RBFOX1: variants seen among roughly 807,000 people sequenced by gnomAD.
RBFOX1 encodes the protein RNA binding fox-1 homolog 1.
RBFOX1 carries 8 observed loss-of-function variants against 57.7 expected under a neutral mutation model. The ratio of observed to expected loss-of-function variants is 0.14; its 90% CI spans 0.08 to 0.25. The LOEUF (loss-of-function observed/expected upper bound fraction) is 0.25, where lower values mean the gene tolerates loss of function less well. Among genes scored for constraint, RBFOX1 ranks in the 10% least tolerant of loss-of-function variants. The pLI, the probability that RBFOX1 is intolerant of heterozygous loss-of-function variation, is 1.00. For synonymous variants in RBFOX1, 326 were observed against 222.4 expected (o/e 1.47, Z -4.15); for missense variants, 611 against 548.5 (o/e 1.11, Z -1.14).
chr16:6,698,930 T>C (rs1338633204), intron 3 of RBFOX1, among the ~76,000 whole-genome samples: 2 of 152,182 alleles, frequency 1.3e-5, no homozygotes, highest in African/African-American at 4.8e-5. Flanking sequence ...ATTGAATGTG[T>C]CCATAGCGTA....
At chr16:7,609,977 C>G (rs990149215) in intron 10 of RBFOX1, among the ~76,000 whole-genome samples, 1 of 151,574 alleles carries the variant, frequency 6.6e-6, no homozygotes, top group Non-Finnish European at 1.5e-5. Flanking sequence ...GCCACCATGC[C>G]CGGCTAATTT....
At chr16:7,290,430 A>C (rs1011181096) in intron 4 of RBFOX1, among the ~76,000 whole-genome samples, 1 of 152,204 alleles carries the variant, frequency 6.6e-6, no homozygotes, top group African/African-American at 2.4e-5. Context: ...TTAATCTGGA[A>C]TGTAAGCTCC....
intron 4 of RBFOX1, among the ~76,000 whole-genome samples, chr16:7,287,866 C>T (rs1369004987): frequency 2.6e-5 from 4 of 152,138 alleles, no homozygotes; most frequent in Admixed American, 6.5e-5. Flanking sequence ...CCACCCATTT[C>T]GTGTGCATTT....
chr16:7,281,525 A>G (rs1417912567), intron 4 of RBFOX1, among the ~76,000 whole-genome samples: 1 of 152,084 alleles, frequency 6.6e-6, no homozygotes, highest in Non-Finnish European at 1.5e-5. Flanking sequence ...TACACACACA[A>G]AGAGACCATT....
At chr16:5,914,853 C>G (rs577618834) in intron 4 of RBFOX1, among the ~76,000 whole-genome samples, 2 of 152,146 alleles carry the variant, frequency 1.3e-5, no homozygotes, top group East Asian at 3.9e-4. Flanking sequence ...CGAGACTGTG[C>G]CACTGCACTC....
chr16:6,999,896 A>G (rs2092632887), intron 3 of RBFOX1, among the ~76,000 whole-genome samples: 1 of 151,840 alleles, frequency 6.6e-6, no homozygotes, highest in African/African-American at 2.4e-5. Context: ...ACATGGTGAA[A>G]CCCTGTCTTT....
chr16:6,821,837 G>A (rs999534345), intron 3 of RBFOX1, among the ~76,000 whole-genome samples: 1 of 152,136 alleles, frequency 6.6e-6, no homozygotes, highest in Non-Finnish European at 1.5e-5. Context: ...GAACATGAAG[G>A]TGCAGGCACT....
At chr16:5,626,658 G>C (rs1315852179) in intron 3 of RBFOX1, among the ~76,000 whole-genome samples, 1 of 152,070 alleles carries the variant, frequency 6.6e-6, no homozygotes, top group Non-Finnish European at 1.5e-5. Context: ...GTTGACACGA[G>C]CTCCGATATT....
chr16:5,888,018 A>C (rs145052514), intron 4 of RBFOX1, among the ~76,000 whole-genome samples: 1 of 152,192 alleles, frequency 6.6e-6, no homozygotes, highest in East Asian at 1.9e-4. Flanking sequence ...CTGTCTTCCT[A>C]TAAGACTGCA....
intron 3 of RBFOX1, among the ~76,000 whole-genome samples, chr16:6,926,969 C>G (rs55693519): frequency 0.33 from 49,531 of 151,956 alleles, 8,545 homozygotes; most frequent in African/African-American, 0.43. Context: ...TTACTCAGGC[C>G]TCTGCCAGCT....
At chr16:7,069,221 T>C (rs993267031) in intron 4 of RBFOX1, among the ~76,000 whole-genome samples, 6 of 152,222 alleles carry the variant, frequency 3.9e-5, no homozygotes, top group African/African-American at 1.4e-4. Context: ...AGTTCCAGGA[T>C]ACATGTGCAG....
intron 3 of RBFOX1, among the ~76,000 whole-genome samples, chr16:6,672,375 AAGAGAG>A (rs749022718): frequency 6.6e-6 from 1 of 151,064 alleles, no homozygotes; most frequent in Non-Finnish European, 1.5e-5. Context: ...AAGAGGGAGA[AAGAGAG>A]AGAGAAGGAG....
intron 4 of RBFOX1, among the ~76,000 whole-genome samples, chr16:7,133,574 A>C (rs2071098780): frequency 1.3e-5 from 2 of 152,212 alleles, no homozygotes. Context: ...TTAAAGCTGA[A>C]AGATACACAC....
intron 13 of RBFOX1, among the ~76,000 whole-genome samples, chr16:7,668,562 G>T (rs1344344557): frequency 6.6e-6 from 1 of 152,162 alleles, no homozygotes; most frequent in African/African-American, 2.4e-5. Context: ...TGCAGGCACA[G>T]TGTGGTTGGC....
intron 4 of RBFOX1, among the ~76,000 whole-genome samples, chr16:5,885,397 A>G (rs757201339): frequency 2.0e-5 from 3 of 152,128 alleles, no homozygotes; most frequent in Non-Finnish European, 4.4e-5. Flanking sequence ...GAGGCCCCCA[A>G]AGGAAGCTGC....
Position 6,090,579 on chromosome 16 carries a change from A to C in RBFOX1, c.-127+70587A>C, listed in dbSNP as rs377748451. 2.2e-4 allele frequency among the ~76,000 whole-genome samples: 34 copies of C among 152,332 alleles called. No individual in the cohort carries two copies. The South Asian group carries it at 2.7e-3, about 12-fold the overall frequency. ...GCAGTGGGAAAAATCTAACATTCTG[A>C]TGACTTTGTAGATCAATGAGTTTTG... On this transcript the variant is annotated intron_variant, in intron 1 of 15. Transcript: ENST00000550418.
chr16:5,314,620 C>A (rs1270710433), intron 1 of RBFOX1, among the ~76,000 whole-genome samples: 1 of 152,158 alleles, frequency 6.6e-6, no homozygotes, highest in Non-Finnish European at 1.5e-5. Context: ...CCTTTCTCAG[C>A]CTCCCTAGTA....
At chr16:7,113,219 C>A (rs1018103005) in intron 4 of RBFOX1, among the ~76,000 whole-genome samples, 1 of 152,114 alleles carries the variant, frequency 6.6e-6, no homozygotes, top group South Asian at 2.1e-4. Flanking sequence ...CTGGAGTCTG[C>A]ATATTCTGTG....
chr16:6,853,064 C>T (rs1364072315), intron 3 of RBFOX1, among the ~76,000 whole-genome samples: 4 of 152,142 alleles, frequency 2.6e-5, no homozygotes, highest in Admixed American at 2.0e-4. Context: ...CAGAGACAGC[C>T]TCTGGTGTTA....
Sources: allele counts gnomAD v4.1 joint callset (sites outside exome capture counted in the v4.1 genomes callset), GRCh38; gene constraint gnomAD v4.1.1; transcripts MANE v1.5; gene names NCBI Gene and HGNC (gene_info 2026-07-23, HGNC 2026-07-21).